The following FYN variants were observed in gnomAD, a reference collection of about 807,000 sequenced individuals.
FYN encodes the protein tyrosine-protein kinase Fyn.
FYN carries 10 observed loss-of-function variants against 70.2 expected under a neutral mutation model. That is an observed-to-expected ratio of 0.14 (90% CI 0.09 to 0.24). The LOEUF is 0.24. Ranked by LOEUF, FYN falls within the 10% of genes least tolerant of loss-of-function variation. The pLI, the probability that FYN is intolerant of heterozygous loss-of-function variation, is 1.00. For synonymous variants in FYN, 236 were observed against 248.6 expected (o/e 0.95, Z 0.48); for missense variants, 319 against 673.1 (o/e 0.47, Z 5.82).
intron 13 of FYN, among the ~76,000 whole-genome samples, chr6:111,673,849 G>A (rs900442799): frequency 1.4e-4 from 22 of 152,174 alleles, no homozygotes; most frequent in South Asian, 8.3e-4. Flanking sequence ...AGCCAAACTC[G>A]TGGTTTCTTT....
intron 2 of FYN, among the ~76,000 whole-genome samples, chr6:111,800,548 G>A (rs574161833): frequency 2.0e-5 from 3 of 152,298 alleles, no homozygotes; most frequent in Middle Eastern, 6.8e-3. Context: ...GATCTAAAAC[G>A]GGAACGACTG....
chr6:111,712,303 C>T (rs706883), intron 5 of FYN, among the ~76,000 whole-genome samples: 3,599 of 152,254 alleles, frequency 0.024, 149 homozygotes, highest in African/African-American at 0.077. Context: ...TCAACCTTGG[C>T]ATGTAGGGGA....
At chr6:111,670,519 A>G (rs1353149530) in intron 13 of FYN, among the ~76,000 whole-genome samples, 1 of 152,196 alleles carries the variant, frequency 6.6e-6, no homozygotes, top group African/African-American at 2.4e-5. Flanking sequence ...GGGCAGCAGC[A>G]TTTGTCTATT....
In FYN at chr6:111,694,324, G is replaced by A; in HGVS notation, c.1273+51C>T. 6.2e-7 allele frequency: 1 copy of A among 1,603,856 alleles called. No homozygotes were observed. Among genetic ancestry groups the A allele is most frequent in the Non-Finnish European group, 8.5e-7 (1 of 1,171,974 alleles). ...GGAGGAAGGAAGGGCTGTGCAGTAAGTGACTGTTCTCACAGCTGTGATCAC... is the reference window on the plus strand; with the variant it reads ...GGAGGAAGGAAGGGCTGTGCAGTAAATGACTGTTCTCACAGCTGTGATCAC... On this transcript the variant is annotated intron_variant, in intron 12 of 13. Transcript: ENST00000354650. This position sits in a 1 kb window ranked among gnomAD's most constrained non-coding sequence, Gnocchi z 5.0.
rs113077955 is a variant in FYN at position 111,825,116 on chromosome 6, G to A, written c.-82+21473C>T. On this transcript the variant is annotated intron_variant, in intron 2 of 13. Coordinates refer to ENST00000354650, the MANE Select transcript of FYN (RefSeq NM_002037.5). ...GTAGGAATGGTGGTCCACAGGCCTT[G>A]CTGGGATCTTTTTGGACTGCGGGCA... Among the ~76,000 whole-genome samples the A allele has an allele frequency of 4.4e-3, 670 of 152,244 alleles. 3 individuals carry two copies. Among genetic ancestry groups the A allele is most frequent in the African/African-American group, 0.015 (637 of 41,548 alleles).
At chr6:111,763,145 A>T (rs1016896797) in intron 3 of FYN, among the ~76,000 whole-genome samples, 1 of 151,958 alleles carries the variant, frequency 6.6e-6, no homozygotes, top group African/African-American at 2.4e-5. Context: ...CCCCTCCTTC[A>T]CCTCCTGGAC....
intron 2 of FYN, among the ~76,000 whole-genome samples, chr6:111,843,520 T>C (rs1008379042): frequency 6.6e-6 from 1 of 152,244 alleles, no homozygotes; most frequent in Non-Finnish European, 1.5e-5. Context: ...TGTGCACTAC[T>C]GCGTCCCCCT....
chr6:111,855,928 T>A (rs1773813335), intron 1 of FYN, among the ~76,000 whole-genome samples: 1 of 152,238 alleles, frequency 6.6e-6, no homozygotes, highest in Non-Finnish European at 1.5e-5. Context: ...ATTCTGAAAT[T>A]CTGTTCTGAT....
intron 3 of FYN, among the ~76,000 whole-genome samples, chr6:111,755,492 T>C (rs62413664): frequency 0.071 from 10,858 of 152,206 alleles, 993 homozygotes; most frequent in African/African-American, 0.22. Context: ...ATATAGAAGA[T>C]GTGAGCAACA....
intron 1 of FYN, among the ~76,000 whole-genome samples, chr6:111,860,731 C>A (rs1773940662): frequency 1.3e-5 from 2 of 152,320 alleles, no homozygotes; most frequent in Admixed American, 6.5e-5. Context: ...TGGTTCTGTT[C>A]ATTCTACCAC....
At chr6:111,773,591 A>AGG (rs1184480681) in intron 3 of FYN, among the ~76,000 whole-genome samples, 1 of 54,592 alleles carries the variant, frequency 1.8e-5, no homozygotes, top group African/African-American at 8.0e-5. Context: ...GGGGAGGGAA[A>AGG]GGGAAAGGGA....
intron 2 of FYN, among the ~76,000 whole-genome samples, chr6:111,814,542 GA>G (rs1238346776): frequency 1.3e-5 from 2 of 151,810 alleles, no homozygotes; most frequent in Non-Finnish European, 2.9e-5. Context: ...ATCTGAAATG[GA>G]AAAAAATTCT....
chr6:111,869,964 G>T (rs1032928863), intron 1 of FYN, among the ~76,000 whole-genome samples: 1 of 152,208 alleles, frequency 6.6e-6, no homozygotes. Flanking sequence ...AAGCAATGAC[G>T]GGTGTCCGCT....
At chr6:111,786,668 T>C (rs1771400679) in intron 2 of FYN, among the ~76,000 whole-genome samples, 1 of 152,232 alleles carries the variant, frequency 6.6e-6, no homozygotes, top group African/African-American at 2.4e-5. Context: ...TGAACCAGTT[T>C]ATAGTCCTAC....
chr6:111,741,051 T>C (rs1383933802), intron 3 of FYN: 11 of 150,176 alleles, frequency 7.3e-5, no homozygotes, highest in Admixed American at 2.7e-4. Context: ...GCAGAGATTG[T>C]AGTGAGCCAT....
chr6:111,802,149 G>A (rs1772006549), intron 2 of FYN, among the ~76,000 whole-genome samples: 1 of 152,094 alleles, frequency 6.6e-6, no homozygotes, highest in Non-Finnish European at 1.5e-5. Context: ...GATCATGGGG[G>A]CAGATGTCCC....
At chr6:111,824,649 C>G (rs1440654939) in intron 2 of FYN, among the ~76,000 whole-genome samples, 1 of 152,138 alleles carries the variant, frequency 6.6e-6, no homozygotes, top group African/African-American at 2.4e-5. Flanking sequence ...GCTTTACTCT[C>G]CCCCAGTCAT....
chr6:111,854,203 AGAC>A (rs1290641918), intron 1 of FYN, among the ~76,000 whole-genome samples: 2 of 152,216 alleles, frequency 1.3e-5, no homozygotes, highest in Non-Finnish European at 2.9e-5. Flanking sequence ...CCGGTGTGTG[AGAC>A]GACTATACAG....
Position 111,707,998 on chromosome 6 carries a change from G to A in FYN, c.367C>T (p.Arg123Cys), listed in dbSNP as rs766363948. Residue 123 changes from arginine (R) to cysteine (C), a missense_variant, in exon 6 of 14, where the codon CGC (arginine) becomes TGC (cysteine). Transcript: ENST00000354650. ...CCTGTCTCTCCAGTTGTCAAGGAGC[G>A]GGCTTCCCACCAATCTCCTTCCCTG... Reference protein sequence around the residue: ...NSSEGDWWEARSLTTGETGYI... With the variant: ...NSSEGDWWEACSLTTGETGYI... 3.7e-6 allele frequency: 6 copies of A among 1,613,718 alleles called. No individual in the cohort carries two copies. Among genetic ancestry groups the A allele is most frequent in the East Asian group, 2.2e-5 (1 of 44,882 alleles).
Sources: gnomAD v4.1 joint callset for allele counts (sites outside exome capture counted in the v4.1 genomes callset) on GRCh38, gnomAD v4.1.1 for gene constraint, Gnocchi (gnomAD v3.1) non-coding constraint, MANE v1.5 for transcripts, NCBI Gene and HGNC (gene_info 2026-07-23, HGNC 2026-07-21) for gene names.